Variants in IREB2 observed in about 807,000 individuals in gnomAD.
IREB2 encodes iron responsive element binding protein 2, also known as iron-responsive element-binding protein 2.
IREB2 carries 39 observed loss-of-function variants against 118.8 expected under a neutral mutation model. That is an observed-to-expected ratio of 0.33 (90% CI 0.25 to 0.43). The LOEUF (loss-of-function observed/expected upper bound fraction) is 0.43, where lower values mean the gene tolerates loss of function less well. Ranked by LOEUF, IREB2 falls within the 20% of genes least tolerant of loss-of-function variation. IREB2 has a pLI of 1.00. For synonymous variants in IREB2, 372 were observed against 392.2 expected, an observed-to-expected ratio of 0.95 and a Z score of 0.61; for missense variants, 900 against 1,147.3, an observed-to-expected ratio of 0.78 and a Z score of 3.11.
chr15:78,494,410 T>A, intron 20 of IREB2, 146 bp downstream of exon 20: 1 of 804,086 alleles, frequency 1.2e-6, no homozygotes, highest in Non-Finnish European at 2.0e-6. Flanking sequence ...TTTGTTTATT[T>A]CAGTGATCTT....
rs1006269804 is a variant in IREB2 at position 78,438,307 on chromosome 15, C to T, written c.-31C>T. The T allele has an allele frequency of 1.9e-6, 3 of 1,575,486 alleles. No homozygotes were observed. Among genetic ancestry groups the T allele is most frequent in the African/African-American group, 2.7e-5 (2 of 74,398 alleles). On this transcript the variant is annotated 5_prime_UTR_variant, in exon 1 of 22. Transcript: ENST00000258886. ...CTCCCCCTTCTTCCCCCGCTGGCCC[C>T]CTCCCCGGAGGGATAATATGGTCTC... is the stretch of plus-strand genomic sequence containing the variant.
intron 2 of IREB2, among the ~76,000 whole-genome samples, chr15:78,449,570 T>C (rs1427235847): frequency 1.3e-5 from 2 of 152,230 alleles, no homozygotes; most frequent in Non-Finnish European, 2.9e-5. Context: ...GACCTGTAGT[T>C]TTTTAAATGT....
chr15:78,495,894 T>G (rs2051830149), intron 20 of IREB2, among the ~76,000 whole-genome samples: 1 of 152,200 alleles, frequency 6.6e-6, no homozygotes, highest in Non-Finnish European at 1.5e-5. Context: ...AAAAGACTCC[T>G]TAGGTAGACA....
Position 78,488,698 on chromosome 15 carries a change from G to A in IREB2, c.2003G>A (p.Arg668Gln), listed in dbSNP as rs775833558. Residue 668 changes from arginine to glutamine, a missense_variant, in exon 16 of 22, where the codon CGA becomes CAA. Coordinates refer to ENST00000258886, the MANE Select transcript of IREB2 (RefSeq NM_004136.4). ...TACCTGCATGATATTTGGCCTAGTC[G>A]AGAAGAAGTTCATCGAGTAGAGGAA... ...NIYLHDIWPS[R>Q]EEVHRVEEEH... The A allele has an allele frequency of 2.2e-5, 36 of 1,610,780 alleles. No individual in the cohort carries two copies. Among genetic ancestry groups the A allele is most frequent in the African/African-American group, 6.7e-5 (5 of 74,812 alleles).
chr15:78,478,167 A>G, intron 9 of IREB2, 130 bp from the exon 10 acceptor site: 1 of 596,722 alleles, frequency 1.7e-6, no homozygotes, highest in Non-Finnish European at 3.0e-6. Flanking sequence ...TCGGGAGGTC[A>G]AGGTTGCAGT....
At chr15:78,438,033 A>C (rs960574370), upstream of IREB2, 2 of 442,746 alleles carry the variant, frequency 4.5e-6, no homozygotes, top group Admixed American at 3.7e-5. Flanking sequence ...CCCCCACTGG[A>C]GCCTCCCCAG....
intron 1 of IREB2, 92 bp from the exon 2 acceptor site, chr15:78,439,703 A>G (rs569053224): frequency 6.9e-5 from 50 of 721,268 alleles, no homozygotes; most frequent in Middle Eastern, 7.6e-4. Context: ...CCATTGCAGA[A>G]AATTCTATTG....
Position 78,471,853 on chromosome 15 carries a change from T to C in IREB2, c.812T>C (p.Leu271Pro). ...GTGGTTTTTGAAGAAAAAGACCTCCTCTTCCCAGACAGTGTAGTCGGCACA... is the reference window on the plus strand; with the variant it reads ...GTGGTTTTTGAAGAAAAAGACCTCCCCTTCCCAGACAGTGTAGTCGGCACA... ...SRVVFEEKDL[L>P]FPDSVVGTDS... Residue 271 changes from leucine (L) to proline (P), a missense_variant, in exon 7 of 22, where the codon CTC becomes CCC. Coordinates refer to ENST00000258886, the MANE Select transcript of IREB2 (RefSeq NM_004136.4). 2 of 1,613,848 alleles carry C rather than the reference T, an allele frequency of 1.2e-6. No individual in the cohort carries two copies. Among genetic ancestry groups the C allele is most frequent in the Non-Finnish European group, 1.7e-6 (2 of 1,179,838 alleles).
Position 78,466,147 on chromosome 15 carries a change from T to C in IREB2, c.411-124T>C, listed in dbSNP as rs553347458. ...TGCCTTTGAAACCTGAGTTAAATGA[T>C]ACATTAGCCTTTAAACATCATTCAG... On this transcript the variant is annotated intron_variant, in intron 4 of 21. Coordinates refer to ENST00000258886, the MANE Select transcript of IREB2 (RefSeq NM_004136.4). 9 of 567,022 alleles carry C rather than the reference T, an allele frequency of 1.6e-5. 1 individual carries two copies. The South Asian group carries it at 2.3e-4, about 14-fold the overall frequency. 35.1% of individuals were successfully genotyped at this position (567,022 alleles called of 1,614,324 possible).
chr15:78,438,295 C>A lies in IREB2; in HGVS notation c.-43C>A. 1.3e-6 allele frequency: 2 copies of A among 1,555,216 alleles called. No individual in the cohort carries two copies. Among genetic ancestry groups the A allele is most frequent in the Middle Eastern group, 1.7e-4 (1 of 5,962 alleles). ...TCCCTGCCCGGCCTCCCCCTTCTTC[C>A]CCCGCTGGCCCCCTCCCCGGAGGGA... On this transcript the variant is annotated 5_prime_UTR_variant, in exon 1 of 22. Transcript: ENST00000258886.
intron 13 of IREB2, 62 bp from the exon 14 acceptor site, chr15:78,487,671 A>T: frequency 1.1e-6 from 1 of 887,246 alleles, no homozygotes; most frequent in African/African-American, 1.6e-5. Flanking sequence ...ACAAGATAAG[A>T]CTTGTCCTTT....
chr15:78,447,193 T>C (rs1408344022), intron 2 of IREB2, among the ~76,000 whole-genome samples: 4 of 151,298 alleles, frequency 2.6e-5, no homozygotes, highest in Non-Finnish European at 4.4e-5. Flanking sequence ...TTTTTTTTTT[T>C]TGAGACAGGA....
At position 78,485,646 on chromosome 15, in the gene IREB2, A is replaced by G. The variant is rs574734101; in HGVS notation, c.1574-59A>G. 3.3e-5 allele frequency: 51 copies of G among 1,532,284 alleles called. 1 individual carries two copies. In the Admixed American group the frequency reaches 9.7e-4, roughly 29 times the overall value. The allele number at this position is 1,532,284 out of a possible 1,614,324, so 94.9% of individuals were successfully genotyped here. A position where few individuals can be genotyped will look rare whatever the true frequency, so the allele number is the denominator to read the frequency against. On this transcript the variant is annotated intron_variant, in intron 12 of 21. Coordinates refer to ENST00000258886, the MANE Select transcript of IREB2 (RefSeq NM_004136.4). ...ATTACTTCTCACTTTTTACTTTAAT[A>G]TGGGTGAGAGAGGGAAAGAAACATT...
At chr15:78,453,043 T>C (rs183053186) in intron 2 of IREB2, among the ~76,000 whole-genome samples, 4 of 152,332 alleles carry the variant, frequency 2.6e-5, no homozygotes, top group African/African-American at 9.6e-5. Context: ...AAGTCTTTTA[T>C]AATGGGTAGT....
intron 8 of IREB2, 55 bp from the exon 9 acceptor site, chr15:78,476,133 G>T: frequency 7.7e-7 from 1 of 1,304,908 alleles, no homozygotes; most frequent in Non-Finnish European, 1.0e-6. Flanking sequence ...TCAGACAATC[G>T]TTGCTAATCT....
At chr15:78,465,178 A>G in intron 3 of IREB2, 73 bp from the exon 4 acceptor site, 1 of 1,228,678 alleles carries the variant, frequency 8.1e-7, no homozygotes, top group Non-Finnish European at 1.1e-6. Context: ...TATGAAAATG[A>G]AAAAGTTTAT....
intron 10 of IREB2, among the ~76,000 whole-genome samples, chr15:78,483,043 A>G (rs1274397531): frequency 6.6e-6 from 1 of 152,068 alleles, no homozygotes; most frequent in African/African-American, 2.4e-5. Flanking sequence ...CCGGCCCCAG[A>G]TTTTGTATAT....
At chr15:78,494,494 T>C (rs974863055) in intron 20 of IREB2, among the ~76,000 whole-genome samples, 1 of 152,252 alleles carries the variant, frequency 6.6e-6, no homozygotes, top group African/African-American at 2.4e-5. Flanking sequence ...ATCAGTCTTA[T>C]GTGAAGAAGT....
intron 2 of IREB2, among the ~76,000 whole-genome samples, chr15:78,444,900 A>G (rs2050903031): frequency 6.6e-6 from 1 of 152,162 alleles, no homozygotes; most frequent in Admixed American, 6.5e-5. Context: ...GGCTTCTAAT[A>G]GCTGCACAAT....
Sources: allele counts gnomAD v4.1 joint callset (sites outside exome capture counted in the v4.1 genomes callset), GRCh38; gene constraint gnomAD v4.1.1; transcripts MANE v1.5; gene names NCBI Gene and HGNC (gene_info 2026-07-23, HGNC 2026-07-21).